Variants in ADGRL2 observed in about 807,000 individuals in gnomAD.
The protein encoded by ADGRL2 is adhesion G protein-coupled receptor L2, also known as calcium-independent alpha-latrotoxin receptor 2.
In ADGRL2, 44 loss-of-function variants were observed where a neutral mutation model predicts 157.4. That is an observed-to-expected ratio of 0.28 (90% CI 0.22 to 0.36). The LOEUF is 0.36. Among genes scored for constraint, ADGRL2 ranks in the 10% least tolerant of loss-of-function variants. ADGRL2 has a pLI of 1.00. For missense variants in ADGRL2, 1,510 were observed against 1,768.9 expected (o/e 0.85, Z 2.63); for synonymous variants, 585 against 624.7 (o/e 0.94, Z 0.95).
intron 3 of ADGRL2, among the ~76,000 whole-genome samples, chr1:81,609,304 T>A (rs1002743119): frequency 1.3e-4 from 20 of 152,040 alleles, no homozygotes; most frequent in African/African-American, 4.8e-4. Flanking sequence ...CCTCTCAAAG[T>A]GTCAGGATTA....
chr1:81,937,748 G>T (rs1297186562), intron 4 of ADGRL2, among the ~76,000 whole-genome samples: 1 of 151,374 alleles, frequency 6.6e-6, no homozygotes, highest in Non-Finnish European at 1.5e-5. Context: ...GACAGTTTTT[G>T]TACACTTTCC....
At chr1:81,416,543 C>G (rs1480558321) in intron 1 of ADGRL2, among the ~76,000 whole-genome samples, 1 of 152,068 alleles carries the variant, frequency 6.6e-6, no homozygotes, top group Admixed American at 6.6e-5. Context: ...AATCAGTTTC[C>G]TTTGAATATC....
intron 2 of ADGRL2, among the ~76,000 whole-genome samples, chr1:81,566,414 A>T (rs974514883): frequency 7.9e-5 from 12 of 152,206 alleles, no homozygotes; most frequent in Admixed American, 5.2e-4. Flanking sequence ...TAATAAAGTG[A>T]TGATTTATAC....
chr1:81,493,646 T>A (rs2078677364), intron 2 of ADGRL2, among the ~76,000 whole-genome samples: 1 of 152,154 alleles, frequency 6.6e-6, no homozygotes, highest in South Asian at 2.1e-4. Context: ...AATTTCTATT[T>A]AAGTCTTGGC....
chr1:81,319,778 ATCTGAGCTT>A lies in ADGRL2; in HGVS notation c.-302+13274_-302+13282del, dbSNP rs1277147059. Among the ~76,000 whole-genome samples the A allele has an allele frequency of 2.0e-5, 3 of 152,340 alleles. No homozygotes were observed. In the East Asian group the frequency reaches 5.8e-4, roughly 29 times the overall value. On this transcript the variant is annotated intron_variant, in intron 1 of 24. Coordinates refer to the ADGRL2 transcript ENST00000370721. ...GTCTTCTAAGCCCTCTAGGTCAGTC[ATCTGAGCTT>A]TCTGCAGTCATAATCTTTTTGCTGG...
chr1:81,850,523 C>T lies in ADGRL2; in HGVS notation c.73+13466C>T, dbSNP rs185962684. ...CTTTTTGACTTCAAAGTGAGGTTTT[C>T]CTCCCATAGCACAAATGAAGCTATA... is the stretch of plus-strand genomic sequence containing the variant. On this transcript the variant is annotated intron_variant, in intron 2 of 23. Transcript: ENST00000686636. Among the ~76,000 whole-genome samples, 61 of 151,984 alleles carry T rather than the reference C, an allele frequency of 4.0e-4. 1 individual carries two copies. The highest frequency in any genetic ancestry group is 1.4e-3 in the African/African-American group (59 of 41,528).
At chr1:81,810,428 A>G (rs1012876880) in intron 1 of ADGRL2, among the ~76,000 whole-genome samples, 7 of 151,874 alleles carry the variant, frequency 4.6e-5, no homozygotes, top group Admixed American at 3.3e-4. Context: ...GTTACCATCC[A>G]TACGGAAATT....
At chr1:81,984,513 T>G (rs1662585360) in intron 19 of ADGRL2, 70 bp from the exon 20 acceptor site, 1 of 1,389,034 alleles carries the variant, frequency 7.2e-7, no homozygotes, top group Non-Finnish European at 9.6e-7. Context: ...GTCTTCACTG[T>G]TCATTTAATT....
rs1361609172 is a variant in ADGRL2, at chr1:81,555,269, T to TC, written c.-247-25607_-247-25606insC. On this transcript the variant is annotated intron_variant, in intron 2 of 24. Transcript: ENST00000370721. ...ATGCTGGTCTCTATTTCTTTTCTTT[T>TC]TTTTTTTTTTTTTTTGAGATGGAGT... Among the ~76,000 whole-genome samples, 23 of 149,416 alleles carry TC rather than the reference T, an allele frequency of 1.5e-4. No homozygotes were observed. The East Asian group carries it at 1.6e-3, about 10-fold the overall frequency.
At chr1:81,965,113 G>A (rs1456528233) in intron 11 of ADGRL2, among the ~76,000 whole-genome samples, 1 of 152,116 alleles carries the variant, frequency 6.6e-6, no homozygotes, top group East Asian at 1.9e-4. Context: ...GTTTTGTATT[G>A]ACGTGTTTTC....
intron 1 of ADGRL2, chr1:81,426,604 GT>G: frequency 2.1e-6 from 1 of 477,406 alleles, no homozygotes; most frequent in Non-Finnish European, 4.1e-6. Flanking sequence ...ACAGATGATA[GT>G]TTAAGAGAAC....
chr1:81,422,338 G>A (rs1313746717), intron 1 of ADGRL2, among the ~76,000 whole-genome samples: 1 of 152,134 alleles, frequency 6.6e-6, no homozygotes, highest in Non-Finnish European at 1.5e-5. Flanking sequence ...TCCACCTCCT[G>A]AATTCAAGCG....
chr1:81,440,606 C>T (rs1243076572), intron 1 of ADGRL2, among the ~76,000 whole-genome samples: 3 of 152,140 alleles, frequency 2.0e-5, no homozygotes, highest in Non-Finnish European at 4.4e-5. Context: ...ATTTATAATC[C>T]TACAGTTCCA....
chr1:81,306,511 T>A lies in ADGRL2; in HGVS notation c.-302+2T>A, dbSNP rs1251690201. 6.6e-6 allele frequency: 1 copy of A among 152,128 alleles called. No homozygotes were observed. The highest frequency in any genetic ancestry group is 1.9e-4 in the East Asian group (1 of 5,188). 9.4% of individuals were successfully genotyped at this position (152,128 alleles called of 1,614,324 possible). A position where few individuals can be genotyped will look rare whatever the true frequency, so the allele number is the denominator to read the frequency against. ...CTTACCTCCATCTGTCTTTTCAAGG[T>A]AGGAAGTCTGATTCTTCTAAAGACG... On this transcript the variant is annotated splice_donor_variant, in intron 1 of 24. Transcript: ENST00000370721. LOFTEE classifies it low-confidence loss of function (5UTR_SPLICE).
At chr1:81,790,766 A>G (rs1333936536) in intron 2 of ADGRL2, among the ~76,000 whole-genome samples, 1 of 152,218 alleles carries the variant, frequency 6.6e-6, no homozygotes, top group Non-Finnish European at 1.5e-5. Context: ...AAATGTTTCA[A>G]AATTACTTCA....
At chr1:81,756,889 A>C (rs963744413) in intron 1 of ADGRL2, among the ~76,000 whole-genome samples, 5 of 152,170 alleles carry the variant, frequency 3.3e-5, no homozygotes, top group African/African-American at 4.8e-5. Context: ...CTAGGTTTAC[A>C]CACGTGGAAC....
At chr1:81,616,317 A>T (rs1408372330) in intron 3 of ADGRL2, among the ~76,000 whole-genome samples, 1 of 152,176 alleles carries the variant, frequency 6.6e-6, no homozygotes, top group Admixed American at 6.6e-5. Context: ...CACACGCAGG[A>T]CCCACAGGAG....
chr1:81,662,723 T>A (rs1267503086), intron 3 of ADGRL2, among the ~76,000 whole-genome samples: 1 of 149,592 alleles, frequency 6.7e-6, no homozygotes, highest in Non-Finnish European at 1.5e-5. Context: ...CCCGGCTAAT[T>A]TTTTTGTATT....
intron 1 of ADGRL2, among the ~76,000 whole-genome samples, chr1:81,359,905 T>C (rs1464538458): frequency 6.6e-6 from 1 of 152,004 alleles, no homozygotes; most frequent in Non-Finnish European, 1.5e-5. Flanking sequence ...GCAAGTCCTT[T>C]TAGGCCTACT....
Sources: gnomAD v4.1 joint callset for allele counts (sites outside exome capture counted in the v4.1 genomes callset) on GRCh38, gnomAD v4.1.1 for gene constraint, MANE v1.5 for transcripts, NCBI Gene and HGNC (gene_info 2026-07-23, HGNC 2026-07-21) for gene names.